Variants in ASRGL1 observed in about 807,000 individuals in gnomAD.
ASRGL1 encodes isoaspartyl peptidase/L-asparaginase.
A neutral mutation model predicts 22.4 loss-of-function variants in ASRGL1; 16 were observed. The ratio of observed to expected loss-of-function variants is 0.71; its 90% CI spans 0.48 to 1.08. The LOEUF (loss-of-function observed/expected upper bound fraction) is 1.08, where lower values mean the gene tolerates loss of function less well. ASRGL1 is among the 50% of genes least tolerant of loss of function. ASRGL1 has a pLI of 0.00. For synonymous variants in ASRGL1, 165 were observed against 159.3 expected (o/e 1.04, Z -0.27); for missense variants, 412 against 410.1 (o/e 1.00, Z -0.04).
In ASRGL1 at chr11:62,392,568, C is replaced by A. The variant is rs1469318662; in HGVS notation, c.*284C>A. ...TGGGCAACAGAGCCAGGCCCTGTAT[C>A]AAAAAAAAAAAAAAAAAGAAAAGGG... On this transcript the variant is annotated 3_prime_UTR_variant, in exon 7 of 7. Coordinates refer to ENST00000415229, the MANE Select transcript of ASRGL1 (RefSeq NM_001083926.2). The A allele has an allele frequency of 2.0e-3, 568 of 288,166 alleles. 2 individuals carry two copies. Among genetic ancestry groups the A allele is most frequent in the East Asian group, 3.2e-3 (43 of 13,286 alleles). The allele number at this position is 288,166 out of a possible 1,614,324, so 17.9% of individuals were successfully genotyped here.
downstream of ASRGL1, among the ~76,000 whole-genome samples, chr11:62,394,254 ATATT>A (rs1447515086): frequency 1.2e-4 from 17 of 141,762 alleles, no homozygotes; most frequent in East Asian, 2.9e-3. Flanking sequence ...AATTTGTTAT[ATATT>A]ATATACTATA....
chr11:62,389,651 T>C (rs1947295253), intron 5 of ASRGL1: 3 of 342,648 alleles, frequency 8.8e-6, no homozygotes, highest in Non-Finnish European at 1.7e-5. Context: ...AATCTGAGAC[T>C]GCAGTTGTTA....
chr11:62,338,651 G>T (rs1945786080), intron 2 of ASRGL1, among the ~76,000 whole-genome samples: 1 of 152,082 alleles, frequency 6.6e-6, no homozygotes, highest in Non-Finnish European at 1.5e-5. Flanking sequence ...ATTAATAGAA[G>T]GCGGTTTAGC....
chr11:62,352,583 A>C (rs892522413), intron 2 of ASRGL1, among the ~76,000 whole-genome samples: 1 of 151,972 alleles, frequency 6.6e-6, no homozygotes, highest in Non-Finnish European at 1.5e-5. Context: ...AACTGTGTCT[A>C]AAAAAAAGAA....
At chr11:62,394,692 T>G (rs1461480455), downstream of ASRGL1, among the ~76,000 whole-genome samples, 1 of 152,184 alleles carries the variant, frequency 6.6e-6, no homozygotes, top group African/African-American at 2.4e-5. Flanking sequence ...AAATTTACTC[T>G]AGTTATTAAA....
In ASRGL1 at chr11:62,392,172, G is replaced by A. The variant is rs768601373; in HGVS notation, c.815G>A (p.Gly272Glu). Residue 272 changes from glycine to glutamate, a missense_variant, in exon 7 of 7, where the codon GGA becomes GAA. Gly to Glu is a moderately conservative substitution (Grantham distance 98). Coordinates refer to ENST00000415229, the MANE Select transcript of ASRGL1 (RefSeq NM_001083926.2). Reference protein sequence around the residue: ...LGGLIVVSKTGDWVAKWTSTS... With the variant: ...LGGLIVVSKTEDWVAKWTSTS... The stretch of plus-strand genomic sequence containing the variant: ...GGCCTCATCGTGGTTAGCAAAACAG[G>A]AGACTGGGTGGCAAAGTGGACCTCC... 12 of 1,614,120 alleles carry A rather than the reference G, an allele frequency of 7.4e-6. No individual in the cohort carries two copies. In the Admixed American group the frequency reaches 1.8e-4, roughly 25 times the overall value.
the ASRGL1 span, among the ~76,000 whole-genome samples, chr11:62,400,225 GCCTTTCCTC>G: frequency 6.6e-6 from 1 of 152,174 alleles, no homozygotes; most frequent in East Asian, 1.9e-4. Flanking sequence ...CTCCAGAAAT[GCCTTTCCTC>G]CCTCAAAGGT....
the ASRGL1 span, among the ~76,000 whole-genome samples, chr11:62,401,263 C>A: frequency 6.6e-6 from 1 of 152,214 alleles, no homozygotes; most frequent in Non-Finnish European, 1.5e-5. Context: ...GATGTGAGCC[C>A]GTATCATTGC....
intron 1 of ASRGL1, 78 bp from the exon 2 acceptor site, chr11:62,337,812 G>A: frequency 2.9e-6 from 2 of 687,004 alleles, no homozygotes; most frequent in Middle Eastern, 4.2e-4. Flanking sequence ...TTCGTACCAA[G>A]CTCGACCGAG....
chr11:62,341,138 G>A (rs1001906708), intron 2 of ASRGL1, among the ~76,000 whole-genome samples: 4 of 151,778 alleles, frequency 2.6e-5, no homozygotes, highest in Non-Finnish European at 5.9e-5. Context: ...CACAGCACTT[G>A]AGATATTCTC....
intron 4 of ASRGL1, among the ~76,000 whole-genome samples, chr11:62,364,158 CAAAAAAAAAA>C (rs71053048): frequency 2.1e-5 from 2 of 93,514 alleles, no homozygotes; most frequent in African/African-American, 4.5e-5. Context: ...GAGTCCGTCT[CAAAAAAAAAA>C]AAAAAAAAAA....
rs1255981680 is a variant in ASRGL1 at position 62,362,682 on chromosome 11, TAA to T, written c.491+5541_491+5542del. 1.1e-4 allele frequency among the ~76,000 whole-genome samples: 10 copies of T among 87,028 alleles called. No homozygotes were observed. In the South Asian group the frequency reaches 1.4e-3, roughly 12 times the overall value. The allele number at this position is 87,028 out of a possible 152,430, so 57.1% of individuals were successfully genotyped here. ...TATAAAATATATAATATATATTATA[TAA>T]AATATATATTATATATTATATAAAA... On this transcript the variant is annotated intron_variant, in intron 4 of 6. Transcript: ENST00000415229.
At chr11:62,376,280 A>G (rs1946929043) in intron 4 of ASRGL1, among the ~76,000 whole-genome samples, 1 of 150,552 alleles carries the variant, frequency 6.6e-6, no homozygotes, top group African/African-American at 2.4e-5. Context: ...TTCTGACATC[A>G]CCATTCTGTT....
chr11:62,352,907 G>A (rs956765814), intron 2 of ASRGL1, among the ~76,000 whole-genome samples: 1 of 152,150 alleles, frequency 6.6e-6, no homozygotes, highest in African/African-American at 2.4e-5. Flanking sequence ...TAGTGTGAAT[G>A]TCTTTGTGTT....
the ASRGL1 span, among the ~76,000 whole-genome samples, chr11:62,400,167 C>A: frequency 6.6e-6 from 1 of 152,226 alleles, no homozygotes; most frequent in South Asian, 2.1e-4. Flanking sequence ...CCCCCACTGC[C>A]CCCCAGGATA....
intron 4 of ASRGL1, among the ~76,000 whole-genome samples, chr11:62,368,128 G>C (rs570448000): frequency 6.6e-6 from 1 of 152,132 alleles, no homozygotes; most frequent in African/African-American, 2.4e-5. Flanking sequence ...TTGAGAAAGA[G>C]ACCACATTCA....
intron 4 of ASRGL1, among the ~76,000 whole-genome samples, chr11:62,380,322 G>A (rs1191197244): frequency 1.3e-5 from 2 of 152,068 alleles, no homozygotes; most frequent in Non-Finnish European, 2.9e-5. Context: ...TGACTTTTGA[G>A]CAGCATCTCG....
At chr11:62,380,661 A>C (rs1947043113) in intron 4 of ASRGL1, among the ~76,000 whole-genome samples, 1 of 152,112 alleles carries the variant, frequency 6.6e-6, no homozygotes, top group African/African-American at 2.4e-5. Context: ...AAATCTCCCA[A>C]TCATAAGGAA....
intron 4 of ASRGL1, among the ~76,000 whole-genome samples, chr11:62,374,486 CTT>C (rs1003439677): frequency 2.0e-5 from 3 of 152,146 alleles, no homozygotes; most frequent in South Asian, 2.1e-4. Flanking sequence ...GGACTAGAAA[CTT>C]AAGTGTGAGA....
Sources: gnomAD v4.1 joint callset for allele counts (sites outside exome capture counted in the v4.1 genomes callset) on GRCh38, gnomAD v4.1.1 for gene constraint, MANE v1.5 for transcripts, NCBI Gene and HGNC (gene_info 2026-07-23, HGNC 2026-07-21) for gene names.